Variants in SLC35F4 observed in about 807,000 individuals in gnomAD.
The protein encoded by SLC35F4 is chromosome 14 open reading frame 36.
Under a neutral mutation model 44.2 loss-of-function variants are expected in SLC35F4, and 24 were observed. That is an observed-to-expected ratio of 0.54 (90% confidence interval 0.39 to 0.76). The LOEUF (loss-of-function observed/expected upper bound fraction) is 0.76, where lower values mean the gene tolerates loss of function less well. Among genes scored for constraint, SLC35F4 ranks in the 30% least tolerant of loss-of-function variants. The pLI is 0.00. For synonymous variants in SLC35F4, 238 were observed against 223.6 expected (o/e 1.06, Z -0.57); for missense variants, 562 against 586.1 (o/e 0.96, Z 0.42).
At chr14:57,825,724 T>C (rs1016867552) in intron 1 of SLC35F4, among the ~76,000 whole-genome samples, 3 of 151,898 alleles carry the variant, frequency 2.0e-5, no homozygotes, top group African/African-American at 4.8e-5. Flanking sequence ...ATACCGACAA[T>C]AGACAAGCAG....
rs149544873 is a variant in SLC35F4, at chr14:57,858,616, G to A, written c.103+7107C>T. On this transcript the variant is annotated intron_variant, in intron 1 of 7. Coordinates refer to ENST00000556826, the MANE Select transcript of SLC35F4 (RefSeq NM_001306087.2). Reference sequence around the variant, plus strand: ...AATGGGTGCAGCACACCAACACGGCGCATGTATACATATGTAACAAACCTG... The same window carrying A: ...AATGGGTGCAGCACACCAACACGGCACATGTATACATATGTAACAAACCTG... Among the ~76,000 whole-genome samples the A allele has an allele frequency of 3.1e-4, 47 of 151,318 alleles. No individual in the cohort carries two copies. In the South Asian group the frequency reaches 5.9e-3, roughly 19 times the overall value.
rs2139644371 is a variant in SLC35F4 at position 57,563,998 on chromosome 14, CTT to C, written c.*135_*136del. The C allele has an allele frequency of 2.1e-6, 2 of 954,510 alleles. No homozygotes were observed. Among genetic ancestry groups the C allele is most frequent in the Non-Finnish European group, 3.0e-6 (2 of 662,552 alleles). The allele number at this position is 954,510 out of a possible 1,614,324, so 59.1% of individuals were successfully genotyped here. A position where few individuals can be genotyped will look rare whatever the true frequency, so the allele number is the denominator to read the frequency against. On this transcript the variant is annotated 3_prime_UTR_variant, in exon 8 of 8. Coordinates refer to ENST00000556826, the MANE Select transcript of SLC35F4 (RefSeq NM_001306087.2). Reference sequence around the variant, plus strand: ...TCCTTGATAAGCATATAAATGTAAACTTTTATTGTTGGCATTATTTCACATAT... The same window carrying C: ...TCCTTGATAAGCATATAAATGTAAACTTATTGTTGGCATTATTTCACATAT...
intron 1 of SLC35F4, among the ~76,000 whole-genome samples, chr14:57,934,112 G>A (rs1401846458): frequency 6.6e-6 from 1 of 151,874 alleles, no homozygotes; most frequent in African/African-American, 2.4e-5. Context: ...TATAAGGAGA[G>A]AAGCAGTTAT....
At chr14:57,868,971 C>T (rs944241383), upstream of SLC35F4, among the ~76,000 whole-genome samples, 1 of 152,142 alleles carries the variant, frequency 6.6e-6, no homozygotes, top group Admixed American at 6.5e-5. Flanking sequence ...TAGCCCTTCA[C>T]ATAGCCAGTT....
chr14:57,877,069 T>C (rs1445283573), intron 1 of SLC35F4, among the ~76,000 whole-genome samples: 1 of 152,100 alleles, frequency 6.6e-6, no homozygotes. Context: ...GTAAACTGCG[T>C]GTCACACGGG....
intron 1 of SLC35F4, among the ~76,000 whole-genome samples, chr14:57,608,940 G>A (rs748944799): frequency 5.3e-5 from 8 of 152,076 alleles, no homozygotes; most frequent in Non-Finnish European, 7.4e-5. Flanking sequence ...GGAGTAGCAG[G>A]GGCAAAAGCC....
chr14:57,591,161 T>A (rs2070152448), intron 2 of SLC35F4, among the ~76,000 whole-genome samples: 1 of 152,226 alleles, frequency 6.6e-6, no homozygotes, highest in South Asian at 2.1e-4. Context: ...GCTAGTTAGC[T>A]ACTTGGATCC....
chr14:57,869,197 G>GT (rs147513546), upstream of SLC35F4, among the ~76,000 whole-genome samples: 3,525 of 142,392 alleles, frequency 0.025, 266 homozygotes, highest in East Asian at 0.32. Flanking sequence ...ACGTGTTGTG[G>GT]TTTTTTTTTT....
At chr14:57,721,655 G>GA (rs1345768718) in intron 1 of SLC35F4, among the ~76,000 whole-genome samples, 1 of 152,196 alleles carries the variant, frequency 6.6e-6, no homozygotes, top group Non-Finnish European at 1.5e-5. Context: ...GAAAAGAATG[G>GA]ATGAAAAGAC....
At chr14:57,870,341 T>C (rs968098861), upstream of SLC35F4, among the ~76,000 whole-genome samples, 4 of 152,210 alleles carry the variant, frequency 2.6e-5, no homozygotes, top group Non-Finnish European at 5.9e-5. Flanking sequence ...GCACGGACTT[T>C]GGAGCAGACT....
chr14:57,937,733 T>C (rs1476585315), intron 1 of SLC35F4, among the ~76,000 whole-genome samples: 1 of 152,042 alleles, frequency 6.6e-6, no homozygotes, highest in Non-Finnish European at 1.5e-5. Flanking sequence ...ATGAAGGAAC[T>C]TGGAGGTGGG....
intron 1 of SLC35F4, among the ~76,000 whole-genome samples, chr14:57,733,564 G>A (rs1340312723): frequency 2.0e-5 from 3 of 151,486 alleles, no homozygotes; most frequent in African/African-American, 7.3e-5. Context: ...AAAAAAAAAG[G>A]CATCTTATAA....
intron 1 of SLC35F4, among the ~76,000 whole-genome samples, chr14:57,609,358 G>A (rs1051444450): frequency 5.3e-5 from 8 of 152,170 alleles, no homozygotes; most frequent in Non-Finnish European, 1.2e-4. Context: ...TGAGTTCAGG[G>A]AAACTGGTTT....
intron 1 of SLC35F4, among the ~76,000 whole-genome samples, chr14:57,881,970 G>A (rs1489106680): frequency 6.6e-6 from 1 of 152,146 alleles, no homozygotes; most frequent in African/African-American, 2.4e-5. Context: ...CATAATTTGA[G>A]AGAGCAGAGA....
chr14:57,738,320 T>C (rs545755994), intron 1 of SLC35F4, among the ~76,000 whole-genome samples: 57 of 152,240 alleles, frequency 3.7e-4, no homozygotes, highest in Middle Eastern at 3.4e-3. Context: ...AAATCGCCAA[T>C]ATTATGACTG....
Position 57,865,840 on chromosome 14 carries a change from G to C in SLC35F4, c.-15C>G. The C allele has an allele frequency of 1.3e-6, 2 of 1,490,206 alleles. No individual in the cohort carries two copies. Among genetic ancestry groups the C allele is most frequent in the East Asian group, 2.7e-5 (1 of 37,090 alleles). 92.3% of individuals were successfully genotyped at this position (1,490,206 alleles called of 1,614,324 possible). On this transcript the variant is annotated 5_prime_UTR_variant, in exon 1 of 8. Transcript: ENST00000556826. ...TTGACATCCATAGAGAGCGCGGGGC[G>C]ACGGCCCCGAGTGCGGCGGGGCGGA...
At chr14:57,690,391 T>A (rs184541890) in intron 1 of SLC35F4, among the ~76,000 whole-genome samples, 3 of 152,092 alleles carry the variant, frequency 2.0e-5, no homozygotes, top group African/African-American at 7.2e-5. Context: ...CTGGGCTAGA[T>A]TGAAGAGAGA....
At chr14:57,722,259 G>A (rs1269706297) in intron 1 of SLC35F4, among the ~76,000 whole-genome samples, 1 of 152,072 alleles carries the variant, frequency 6.6e-6, no homozygotes, top group African/African-American at 2.4e-5. Flanking sequence ...TCATTTATTT[G>A]GTTAGCTGAA....
At chr14:57,737,128 G>GCA (rs1166456264) in intron 1 of SLC35F4, among the ~76,000 whole-genome samples, 2 of 151,192 alleles carry the variant, frequency 1.3e-5, no homozygotes, top group South Asian at 4.2e-4. Context: ...GTGTGTGCAT[G>GCA]TGTGTGTGTG....
Sources: gnomAD v4.1 joint callset for allele counts (sites outside exome capture counted in the v4.1 genomes callset) on GRCh38, gnomAD v4.1.1 for gene constraint, MANE v1.5 for transcripts, NCBI Gene and HGNC (gene_info 2026-07-23, HGNC 2026-07-21) for gene names.